PARD3B: variants seen among roughly 807,000 people sequenced by gnomAD.
PARD3B encodes partitioning defective 3 homolog B.
Under a neutral mutation model 130.2 loss-of-function variants are expected in PARD3B, and 103 were observed. That is an observed-to-expected ratio of 0.79 (90% CI 0.67 to 0.93). The LOEUF is 0.93. PARD3B is among the 40% of genes least tolerant of loss of function. The pLI, the probability that PARD3B is intolerant of heterozygous loss-of-function variation, is 0.00. For synonymous variants in PARD3B, 583 were observed against 553.2 expected, an observed-to-expected ratio of 1.05 and a Z score of -0.76; for missense variants, 1,609 against 1,499.2, an observed-to-expected ratio of 1.07 and a Z score of -1.21.
chr2:205,268,141 G>C lies in PARD3B; in HGVS notation c.2185+22319G>C, dbSNP rs1050847301. Among the ~76,000 whole-genome samples the C allele has an allele frequency of 2.6e-5, 4 of 152,196 alleles. No homozygotes were observed. Among genetic ancestry groups the C allele is most frequent in the Non-Finnish European group, 5.9e-5 (4 of 68,026 alleles). On this transcript the variant is annotated intron_variant, in intron 16 of 22. Coordinates refer to ENST00000406610, the MANE Select transcript of PARD3B (RefSeq NM_001302769.2). This position sits in a 1 kb window ranked among gnomAD's most constrained non-coding sequence, Gnocchi z 4.1. ...AGAATGCTGACACAGAAATGTTTTA[G>C]AGTCAACTGCAAGAACTCATTAATA...
chr2:204,627,635 T>C (rs1186006374), intron 1 of PARD3B, among the ~76,000 whole-genome samples: 2 of 152,290 alleles, frequency 1.3e-5, no homozygotes, highest in South Asian at 2.1e-4. Context: ...CTTAATGTTT[T>C]TGAGATCTAT....
At chr2:205,108,214 C>A (rs1226704247) in intron 5 of PARD3B, among the ~76,000 whole-genome samples, 1 of 152,164 alleles carries the variant, frequency 6.6e-6, no homozygotes, top group African/African-American at 2.4e-5. Context: ...TTTAGTAATT[C>A]CTGCCTCAAG....
At chr2:204,716,726 C>T (rs1235691696) in intron 2 of PARD3B, among the ~76,000 whole-genome samples, 1 of 151,028 alleles carries the variant, frequency 6.6e-6, no homozygotes, top group East Asian at 2.0e-4. Context: ...GGGTTCACGC[C>T]ATTCTCCTGC....
At position 205,146,907 on chromosome 2, in the gene PARD3B, G is replaced by A. The variant is rs2033405999; in HGVS notation, c.1435-11815G>A. On this transcript the variant is annotated intron_variant, in intron 10 of 22. Transcript: ENST00000406610. The surrounding 1 kb of genome is among the most constrained non-coding windows in gnomAD (Gnocchi z 4.3). ...TTTTTTGTATTTTTAGTAGGAATGGGGTTTTGCCATGTTGGCCAGGCTGGT... is the reference window on the plus strand; with the variant it reads ...TTTTTTGTATTTTTAGTAGGAATGGAGTTTTGCCATGTTGGCCAGGCTGGT... Among the ~76,000 whole-genome samples the A allele has an allele frequency of 6.6e-6, 1 of 151,760 alleles. No individual in the cohort carries two copies. The highest frequency in any genetic ancestry group is 2.4e-5 in the African/African-American group (1 of 41,330).
intron 2 of PARD3B, among the ~76,000 whole-genome samples, chr2:204,711,525 A>C (rs979845164): frequency 2.6e-5 from 4 of 152,128 alleles, no homozygotes; most frequent in Admixed American, 2.6e-4. Flanking sequence ...AAAAATAAAA[A>C]ATTAAGTTAT....
At chr2:205,437,144 C>T (rs900073640) in intron 19 of PARD3B, among the ~76,000 whole-genome samples, 10 of 152,138 alleles carry the variant, frequency 6.6e-5, no homozygotes, top group South Asian at 2.1e-4. Context: ...TGGTGCACTC[C>T]GCCTTTAGGG....
chr2:204,841,474 T>G (rs2044257774), intron 2 of PARD3B, among the ~76,000 whole-genome samples: 1 of 151,716 alleles, frequency 6.6e-6, no homozygotes, highest in Non-Finnish European at 1.5e-5. Flanking sequence ...GCCCCTGTTG[T>G]GTCTTGTTGA....
chr2:205,327,431 A>G (rs1288651822), intron 18 of PARD3B, among the ~76,000 whole-genome samples: 1 of 152,200 alleles, frequency 6.6e-6, no homozygotes, highest in African/African-American at 2.4e-5. Flanking sequence ...AGGTATTGAA[A>G]CTGTTCTGAG....
intron 2 of PARD3B, among the ~76,000 whole-genome samples, chr2:204,792,964 A>G (rs1469178467): frequency 6.6e-6 from 1 of 152,030 alleles, no homozygotes; most frequent in African/African-American, 2.4e-5. Flanking sequence ...AACAGCTGGT[A>G]ACAAGCAGAA....
At chr2:204,785,238 C>A (rs2041966128) in intron 2 of PARD3B, among the ~76,000 whole-genome samples, 1 of 152,078 alleles carries the variant, frequency 6.6e-6, no homozygotes, top group Non-Finnish European at 1.5e-5. Context: ...TTGTAATGCT[C>A]CTTTCATCAT....
At chr2:204,803,985 T>C (rs559433198) in intron 2 of PARD3B, among the ~76,000 whole-genome samples, 51 of 151,896 alleles carry the variant, frequency 3.4e-4, no homozygotes, top group African/African-American at 1.2e-3. Context: ...CTTTGGGAGG[T>C]GGGCAGATCA....
At chr2:204,746,807 T>C (rs1019139449) in intron 2 of PARD3B, among the ~76,000 whole-genome samples, 2 of 152,190 alleles carry the variant, frequency 1.3e-5, no homozygotes, top group Non-Finnish European at 2.9e-5. Context: ...TCATATCCTT[T>C]GCCCACTTTG....
At chr2:204,891,688 C>T (rs2046452060) in intron 2 of PARD3B, among the ~76,000 whole-genome samples, 1 of 152,166 alleles carries the variant, frequency 6.6e-6, no homozygotes, top group Admixed American at 6.5e-5. Context: ...TGTCTCTTCC[C>T]TTACTCTTGT....
chr2:204,620,567 T>C (rs1425593622), intron 1 of PARD3B, among the ~76,000 whole-genome samples: 2 of 152,208 alleles, frequency 1.3e-5, no homozygotes, highest in African/African-American at 2.4e-5. Context: ...AGGGCCGTTA[T>C]CTACCATAGG....
Position 205,405,218 on chromosome 2 carries a change from A to G in PARD3B, c.2741+4095A>G, listed in dbSNP as rs962031631. ...CTCAATGGGAGGGGGCAGTTTTACC[A>G]CAAGGGCATTTGGCTATGTCTGGAG... On this transcript the variant is annotated intron_variant, in intron 19 of 22. Transcript: ENST00000406610. This position sits in a 1 kb window ranked among gnomAD's most constrained non-coding sequence, Gnocchi z 4.1. 2.6e-5 allele frequency among the ~76,000 whole-genome samples: 4 copies of G among 152,156 alleles called. No individual in the cohort carries two copies. Among genetic ancestry groups the G allele is most frequent in the African/African-American group, 9.7e-5 (4 of 41,436 alleles).
chr2:205,100,001 T>G lies in PARD3B; in HGVS notation c.505-4425T>G, dbSNP rs143036187. On this transcript the variant is annotated intron_variant, in intron 4 of 22. Coordinates refer to ENST00000406610, the MANE Select transcript of PARD3B (RefSeq NM_001302769.2). ...CAGTTCAGAATTACCCTTGAGCAGATTATGACATTGTATTTGGCCCAATAT... is the reference window on the plus strand; with the variant it reads ...CAGTTCAGAATTACCCTTGAGCAGAGTATGACATTGTATTTGGCCCAATAT... Among the ~76,000 whole-genome samples the G allele has an allele frequency of 4.8e-3, 730 of 152,294 alleles. 7 individuals carry two copies. Among genetic ancestry groups the G allele is most frequent in the African/African-American group, 0.017 (691 of 41,574 alleles).
intron 18 of PARD3B, among the ~76,000 whole-genome samples, chr2:205,396,614 G>T (rs1009751331): frequency 6.6e-6 from 1 of 152,112 alleles, no homozygotes; most frequent in African/African-American, 2.4e-5. Flanking sequence ...CTTTAAACAG[G>T]CTTCCCAGGT....
intron 20 of PARD3B, among the ~76,000 whole-genome samples, chr2:205,456,815 AT>A (rs1004425748): frequency 9.3e-5 from 14 of 149,918 alleles, no homozygotes; most frequent in South Asian, 8.3e-4. Context: ...TATTTTATAT[AT>A]TTTTAATTGT....
chr2:204,808,595 G>C (rs969943960), intron 2 of PARD3B, among the ~76,000 whole-genome samples: 1 of 152,052 alleles, frequency 6.6e-6, no homozygotes, highest in African/African-American at 2.4e-5. Context: ...TTGGTTTTCT[G>C]TTCCTGCTTA....
Sources: allele counts gnomAD v4.1 joint callset (sites outside exome capture counted in the v4.1 genomes callset), GRCh38; gene constraint gnomAD v4.1.1; non-coding constraint Gnocchi (gnomAD v3.1); transcripts MANE v1.5; gene names NCBI Gene and HGNC (gene_info 2026-07-23, HGNC 2026-07-21).